CFDP1: variants seen among roughly 807,000 people sequenced by gnomAD.
The protein encoded by CFDP1 is heterochromatin-stabilizing protein CFDP1.
In CFDP1, 31 loss-of-function variants were observed where a neutral mutation model predicts 40.1. The observed-to-expected ratio is 0.77, with a 90% confidence interval of 0.58 to 1.04. The LOEUF (loss-of-function observed/expected upper bound fraction) is 1.04, where lower values mean the gene tolerates loss of function less well. Among genes scored for constraint, CFDP1 ranks in the 50% least tolerant of loss-of-function variants. The probability of loss-of-function intolerance (pLI) is 0.00; values close to 1 mark genes in which losing one functional copy is unlikely to be tolerated. For synonymous variants in CFDP1, 167 were observed against 120.0 expected (o/e 1.39, Z -2.56); for missense variants, 423 against 343.4 (o/e 1.23, Z -1.83).
chr16:75,408,788 TA>T (rs1191679764), intron 4 of CFDP1, among the ~76,000 whole-genome samples: 5 of 150,460 alleles, frequency 3.3e-5, no homozygotes, highest in Admixed American at 6.6e-5. Flanking sequence ...ATAATAATAA[TA>T]AAAAAAAATA....
intron 5 of CFDP1, among the ~76,000 whole-genome samples, chr16:75,331,657 G>A (rs188812548): frequency 2.0e-5 from 3 of 152,060 alleles, no homozygotes; most frequent in Non-Finnish European, 4.4e-5. Context: ...TTTTGTGTCT[G>A]GTTTCTTTCA....
At chr16:75,376,213 AAAAACCAAATC>A (rs1343732437) in intron 5 of CFDP1, among the ~76,000 whole-genome samples, 1 of 152,232 alleles carries the variant, frequency 6.6e-6, no homozygotes, top group African/African-American at 2.4e-5. Context: ...CCTGTCTCAG[AAAAACCAAATC>A]AAAACCAAAA....
At chr16:75,425,952 C>T (rs1199679932) in intron 1 of CFDP1, among the ~76,000 whole-genome samples, 3 of 142,672 alleles carry the variant, frequency 2.1e-5, no homozygotes, top group Non-Finnish European at 3.0e-5. Flanking sequence ...AGGAGAATCG[C>T]TTGAACCTGG....
At chr16:75,431,441 A>G (rs4888421) in intron 1 of CFDP1, among the ~76,000 whole-genome samples, 64,314 of 128,446 alleles carry the variant, frequency 0.5, 17,200 homozygotes, top group Admixed American at 0.61. Context: ...GAGACAGAGC[A>G]AAACTCTTGT....
intron 5 of CFDP1, among the ~76,000 whole-genome samples, chr16:75,348,018 T>C (rs1418694404): frequency 1.3e-5 from 2 of 152,170 alleles, no homozygotes; most frequent in Non-Finnish European, 2.9e-5. Context: ...TAACTAAATG[T>C]GGAAAATGGG....
chr16:75,322,469 A>G (rs1567645151), intron 5 of CFDP1, among the ~76,000 whole-genome samples: 1 of 152,212 alleles, frequency 6.6e-6, no homozygotes, highest in Non-Finnish European at 1.5e-5. Context: ...ACAGGCTTAC[A>G]TTGTGTGGTA....
chr16:75,312,942 C>T (rs1277786318), intron 5 of CFDP1, among the ~76,000 whole-genome samples: 1 of 152,160 alleles, frequency 6.6e-6, no homozygotes, highest in African/African-American at 2.4e-5. Context: ...GGTATAGGGG[C>T]TCTGAAGTGA....
chr16:75,326,994 GGC>G (rs2078406209), intron 5 of CFDP1, among the ~76,000 whole-genome samples: 1 of 152,226 alleles, frequency 6.6e-6, no homozygotes, highest in Non-Finnish European at 1.5e-5. Context: ...GAATAGGCCG[GGC>G]GCAGTGGCTG....
chr16:75,297,001 CT>C (rs145872926), intron 6 of CFDP1, among the ~76,000 whole-genome samples: 28,620 of 152,128 alleles, frequency 0.19, 2,916 homozygotes, highest in African/African-American at 0.23. Flanking sequence ...TTTTCTGTGC[CT>C]TTTTTTCCTT....
chr16:75,330,595 A>T (rs1044068209), intron 5 of CFDP1, among the ~76,000 whole-genome samples: 6 of 152,204 alleles, frequency 3.9e-5, no homozygotes, highest in Non-Finnish European at 5.9e-5. Context: ...ATCTCGAAAC[A>T]AAAACAAAAA....
At chr16:75,306,557 T>C (rs999065607) in intron 5 of CFDP1, 7 of 152,202 alleles carry the variant, frequency 4.6e-5, no homozygotes, top group Admixed American at 3.9e-4. Context: ...CAACTCAGAA[T>C]GGGCTGGGCA....
At chr16:75,379,653 C>T (rs528397135) in intron 5 of CFDP1, among the ~76,000 whole-genome samples, 159 of 152,164 alleles carry the variant, frequency 1.0e-3, no homozygotes, top group Middle Eastern at 0.01. Context: ...CATGAGGAAT[C>T]TTAGCAGATA....
intron 6 of CFDP1, among the ~76,000 whole-genome samples, chr16:75,297,669 C>A (rs35937717): frequency 0.5 from 75,758 of 151,582 alleles, 20,436 homozygotes; most frequent in Admixed American, 0.66. Flanking sequence ...CTTTCTGCTT[C>A]CATTGCCTTC....
At chr16:75,394,978 T>A in intron 5 of CFDP1, 112 bp downstream of exon 5, 3 of 1,308,756 alleles carry the variant, frequency 2.3e-6, no homozygotes, top group African/African-American at 1.5e-5. Context: ...CAAAGCAGCA[T>A]CATAATTCTC....
intron 5 of CFDP1, among the ~76,000 whole-genome samples, chr16:75,385,203 T>C (rs1374757939): frequency 1.3e-5 from 2 of 152,068 alleles, no homozygotes; most frequent in East Asian, 3.9e-4. Context: ...GCCAAGGTAG[T>C]AACTGACGTA....
intron 5 of CFDP1, among the ~76,000 whole-genome samples, chr16:75,390,219 T>A (rs1348496441): frequency 6.6e-6 from 1 of 152,316 alleles, no homozygotes; most frequent in African/African-American, 2.4e-5. Context: ...CTTTCCCACA[T>A]GGCTCTCTGC....
intron 5 of CFDP1, among the ~76,000 whole-genome samples, chr16:75,335,226 G>A (rs1459123806): frequency 1.3e-5 from 2 of 152,180 alleles, no homozygotes; most frequent in African/African-American, 2.4e-5. Context: ...TTACAATTAC[G>A]TGTTTGGGCT....
intron 5 of CFDP1, among the ~76,000 whole-genome samples, chr16:75,359,187 A>G (rs544387834): frequency 6.6e-6 from 1 of 152,316 alleles, no homozygotes; most frequent in South Asian, 2.1e-4. Flanking sequence ...AATTTACAAA[A>G]TCATGCTATT....
At chr16:75,404,389 T>C (rs913871618) in intron 4 of CFDP1, among the ~76,000 whole-genome samples, 13 of 151,702 alleles carry the variant, frequency 8.6e-5, no homozygotes, top group African/African-American at 3.1e-4. Flanking sequence ...ACCCAGCTAA[T>C]TTTTTGTATT....
Sources: gnomAD v4.1 joint callset for allele counts (sites outside exome capture counted in the v4.1 genomes callset) on GRCh38, gnomAD v4.1.1 for gene constraint, MANE v1.5 for transcripts, NCBI Gene and HGNC (gene_info 2026-07-23, HGNC 2026-07-21) for gene names.